Variants in UBE2H observed in about 807,000 individuals in gnomAD.
The protein encoded by UBE2H is ubiquitin conjugating enzyme E2 H.
UBE2H carries 3 observed loss-of-function variants against 29.0 expected under a neutral mutation model. That is an observed-to-expected ratio of 0.10 (90% CI 0.05 to 0.27). UBE2H has a LOEUF of 0.27. Ranked by LOEUF, UBE2H falls within the 10% of genes least tolerant of loss-of-function variation. The pLI, the probability that UBE2H is intolerant of heterozygous loss-of-function variation, is 1.00. For missense variants in UBE2H, 68 were observed against 228.2 expected (o/e 0.30, Z 4.52); for synonymous variants, 69 against 82.9 (o/e 0.83, Z 0.91).
At chr7:129,873,995 A>C (rs1340378197) in intron 3 of UBE2H, among the ~76,000 whole-genome samples, 1 of 152,194 alleles carries the variant, frequency 6.6e-6, no homozygotes, top group Non-Finnish European at 1.5e-5. Flanking sequence ...TGTTACCTGT[A>C]CCTTATAACA....
rs1315065921 is a variant in UBE2H at position 129,931,281 on chromosome 7, G to A, written c.53+21222C>T. On this transcript the variant is annotated intron_variant, in intron 1 of 6. Transcript: ENST00000355621. ...TATGCGCCTGTAATCCCAGCTACTG[G>A]AGAGGCTGAGGCAGGAGAATTGCCT... Among the ~76,000 whole-genome samples, 3 of 151,456 alleles carry A rather than the reference G, an allele frequency of 2.0e-5. No homozygotes were observed. In the East Asian group the frequency reaches 5.8e-4, roughly 29 times the overall value.
At chr7:129,854,426 G>GAAA (rs1406259380) in intron 5 of UBE2H, among the ~76,000 whole-genome samples, 1 of 152,178 alleles carries the variant, frequency 6.6e-6, no homozygotes, top group Non-Finnish European at 1.5e-5. Flanking sequence ...ACTATACTCT[G>GAAA]AAAATATTTC....
chr7:129,938,835 T>C (rs1294590808), intron 1 of UBE2H, among the ~76,000 whole-genome samples: 1 of 151,864 alleles, frequency 6.6e-6, no homozygotes, highest in Non-Finnish European at 1.5e-5. Context: ...AGTCTCAGTC[T>C]GTCACCAGGC....
intron 1 of UBE2H, among the ~76,000 whole-genome samples, chr7:129,930,167 G>A (rs764517320): frequency 1.3e-5 from 2 of 152,048 alleles, no homozygotes; most frequent in African/African-American, 2.4e-5. Context: ...TTTACACTCT[G>A]TATTTTTTTT....
intron 1 of UBE2H, among the ~76,000 whole-genome samples, chr7:129,938,993 T>G (rs1238751625): frequency 1.3e-5 from 2 of 152,044 alleles, no homozygotes; most frequent in African/African-American, 4.8e-5. Flanking sequence ...GAGATGGGGC[T>G]TCACCATGTT....
intron 1 of UBE2H, among the ~76,000 whole-genome samples, chr7:129,924,768 AG>A (rs1419067152): frequency 5.3e-5 from 8 of 152,132 alleles, no homozygotes; most frequent in Middle Eastern, 3.4e-3. Context: ...TAACCCAAGA[AG>A]GAAGTGAAAG....
chr7:129,882,126 C>G (rs145231924), intron 1 of UBE2H, among the ~76,000 whole-genome samples: 50 of 152,232 alleles, frequency 3.3e-4, no homozygotes, highest in African/African-American at 9.1e-4. Flanking sequence ...ATTCTTGCCC[C>G]TTTAAGGTGC....
intron 1 of UBE2H, among the ~76,000 whole-genome samples, chr7:129,929,036 G>A (rs1353922552): frequency 6.6e-6 from 1 of 151,822 alleles, no homozygotes; most frequent in African/African-American, 2.4e-5. Flanking sequence ...TAACATTTAG[G>A]GGCCAGGCAC....
Position 129,952,771 on chromosome 7 carries a change from G to A in UBE2H, c.-216C>T. ...GTGGGGACCCTGCGGCGCCCGGCTC[G>A]GGCTGCCCCTCTCCGGCTGTGGTTC... On this transcript the variant is annotated 5_prime_UTR_variant, in exon 1 of 7. Transcript: ENST00000355621. 1 of 362,316 alleles carries A rather than the reference G, an allele frequency of 2.8e-6. No individual in the cohort carries two copies. Among genetic ancestry groups the A allele is most frequent in the Non-Finnish European group, 4.8e-6 (1 of 209,302 alleles). The allele number at this position is 362,316 out of a possible 1,614,324, so 22.4% of individuals were successfully genotyped here.
intron 1 of UBE2H, among the ~76,000 whole-genome samples, chr7:129,938,322 T>C (rs1436894056): frequency 7.0e-6 from 1 of 142,890 alleles, no homozygotes; most frequent in Non-Finnish European, 1.5e-5. Context: ...TGAGGCGGGA[T>C]TGCTTTGCAC....
At chr7:129,861,677 A>ATG (rs1805806177) in intron 3 of UBE2H, among the ~76,000 whole-genome samples, 1 of 152,188 alleles carries the variant, frequency 6.6e-6, no homozygotes, top group Non-Finnish European at 1.5e-5. Context: ...GGATTACTTG[A>ATG]TGTCAGGAGT....
At chr7:129,864,213 G>A (rs1805853942) in intron 3 of UBE2H, among the ~76,000 whole-genome samples, 1 of 152,204 alleles carries the variant, frequency 6.6e-6, no homozygotes, top group African/African-American at 2.4e-5. Context: ...TTACATTCTG[G>A]ATAATGATGC....
At chr7:129,944,186 C>T (rs540087033) in intron 1 of UBE2H, among the ~76,000 whole-genome samples, 1 of 151,824 alleles carries the variant, frequency 6.6e-6, no homozygotes, top group African/African-American at 2.4e-5. Flanking sequence ...GAAACCCTGT[C>T]GCTACTAAAA....
intron 5 of UBE2H, among the ~76,000 whole-genome samples, chr7:129,843,489 C>T (rs1805462643): frequency 6.6e-6 from 1 of 152,186 alleles, no homozygotes; most frequent in Admixed American, 6.5e-5. Flanking sequence ...AACCTGAGCT[C>T]ATCCACTATG....
intron 1 of UBE2H, among the ~76,000 whole-genome samples, chr7:129,922,501 T>G (rs1330803246): frequency 2.0e-5 from 3 of 152,108 alleles, no homozygotes; most frequent in South Asian, 2.1e-4. Flanking sequence ...GGTCTCGAAC[T>G]CCTGACCTCA....
At position 129,859,385 on chromosome 7, in the gene UBE2H, A is replaced by G. The variant is rs556741541; in HGVS notation, c.206-444T>C. Among the ~76,000 whole-genome samples the G allele has an allele frequency of 2.0e-5, 3 of 152,328 alleles. No homozygotes were observed. In the East Asian group the frequency reaches 5.8e-4, roughly 29 times the overall value. ...TCACTTACTGGTATCACTTGGCTGCACTGTGCACGGAACATGAATGAAACT... is the reference window on the plus strand; with the variant it reads ...TCACTTACTGGTATCACTTGGCTGCGCTGTGCACGGAACATGAATGAAACT... On this transcript the variant is annotated intron_variant, in intron 3 of 6. Coordinates refer to ENST00000355621, the MANE Select transcript of UBE2H (RefSeq NM_003344.4).
At chr7:129,880,639 CTATGTCATCTTA>C (rs1806234863) in intron 2 of UBE2H, among the ~76,000 whole-genome samples, 1 of 152,180 alleles carries the variant, frequency 6.6e-6, no homozygotes, top group African/African-American at 2.4e-5. Flanking sequence ...CATGCAAATT[CTATGTCATCTTA>C]TAAAGGGACT....
chr7:129,848,456 G>C (rs1426595130), intron 5 of UBE2H, among the ~76,000 whole-genome samples: 3 of 152,184 alleles, frequency 2.0e-5, no homozygotes, highest in African/African-American at 7.2e-5. Context: ...GGGCTGACAG[G>C]AAAGGAAAGA....
intron 1 of UBE2H, among the ~76,000 whole-genome samples, chr7:129,891,787 G>A (rs906768904): frequency 1.5e-5 from 2 of 137,378 alleles, no homozygotes; most frequent in East Asian, 2.2e-4. Context: ...GTTACAGAGC[G>A]AGATTGTCTC....
Sources: gnomAD v4.1 joint callset for allele counts (sites outside exome capture counted in the v4.1 genomes callset) on GRCh38, gnomAD v4.1.1 for gene constraint, MANE v1.5 for transcripts, NCBI Gene and HGNC (gene_info 2026-07-23, HGNC 2026-07-21) for gene names.